ZFYVE9: variants seen among roughly 807,000 people sequenced by gnomAD.
The protein encoded by ZFYVE9 is zinc finger FYVE domain-containing protein 9.
In ZFYVE9, 43 loss-of-function variants were observed where a neutral mutation model predicts 126.7. The ratio of observed to expected loss-of-function variants is 0.34; its 90% CI spans 0.27 to 0.44. The LOEUF is 0.44. ZFYVE9 is among the 20% of genes least tolerant of loss of function. ZFYVE9 has a pLI of 1.00. For missense variants in ZFYVE9, 1,476 were observed against 1,697.0 expected, an observed-to-expected ratio of 0.87 and a Z score of 2.29; for synonymous variants, 521 against 597.4, an observed-to-expected ratio of 0.87 and a Z score of 1.87.
In ZFYVE9 at chr1:52,332,937, T is replaced by G. The variant is rs370549657; in HGVS notation, c.3589+19T>G. ...AGAAAAGGTGAGCATTTGAGCTGGT[T>G]GAGATTATGATAATGGAAAATTATA... On this transcript the variant is annotated intron_variant, in intron 14 of 18. Coordinates refer to ENST00000287727, the MANE Select transcript of ZFYVE9 (RefSeq NM_004799.4). 6.2e-7 allele frequency: 1 copy of G among 1,613,706 alleles called. No individual in the cohort carries two copies. Among genetic ancestry groups the G allele is most frequent in the Admixed American group, 1.7e-5 (1 of 59,970 alleles).
chr1:52,246,315 A>T (rs950379403), intron 4 of ZFYVE9, among the ~76,000 whole-genome samples: 2 of 152,204 alleles, frequency 1.3e-5, no homozygotes, highest in South Asian at 4.1e-4. Flanking sequence ...TTAGATATAA[A>T]TTTTTATTTT....
chr1:52,156,010 C>G (rs929544423), intron 1 of ZFYVE9, among the ~76,000 whole-genome samples: 1 of 152,202 alleles, frequency 6.6e-6, no homozygotes, highest in Non-Finnish European at 1.5e-5. Flanking sequence ...CTAGCCACCT[C>G]TTGCTCATCT....
intron 4 of ZFYVE9, among the ~76,000 whole-genome samples, chr1:52,256,257 C>CG (rs1347819134): frequency 6.6e-6 from 1 of 151,740 alleles, no homozygotes; most frequent in Non-Finnish European, 1.5e-5. Flanking sequence ...TTAGTAGAGA[C>CG]GGGGTTTCAC....
chr1:52,247,810 C>T (rs1645403226), intron 4 of ZFYVE9, among the ~76,000 whole-genome samples: 2 of 152,040 alleles, frequency 1.3e-5, no homozygotes, highest in African/African-American at 4.8e-5. Flanking sequence ...TTTATCATCT[C>T]AAACTTAATA....
chr1:52,242,857 C>T (rs1645348237), intron 4 of ZFYVE9, among the ~76,000 whole-genome samples: 1 of 152,174 alleles, frequency 6.6e-6, no homozygotes, highest in South Asian at 2.1e-4. Context: ...AAAAACAGAA[C>T]CAACATTTAG....
intron 9 of ZFYVE9, among the ~76,000 whole-genome samples, chr1:52,281,276 G>A (rs1261069795): frequency 6.6e-6 from 1 of 151,640 alleles, no homozygotes; most frequent in Non-Finnish European, 1.5e-5. Context: ...GGGACTACAG[G>A]CGCCCGCCAC....
chr1:52,198,474 A>G (rs1380439719), intron 1 of ZFYVE9, among the ~76,000 whole-genome samples: 2 of 152,240 alleles, frequency 1.3e-5, no homozygotes, highest in African/African-American at 4.8e-5. Flanking sequence ...GACTGAGACA[A>G]TTCAGGTTAT....
At chr1:52,326,422 C>G (rs1464677918) in intron 13 of ZFYVE9, among the ~76,000 whole-genome samples, 1 of 152,116 alleles carries the variant, frequency 6.6e-6, no homozygotes, top group Non-Finnish European at 1.5e-5. Flanking sequence ...ATTAATTTAT[C>G]TAACTCTCAT....
chr1:52,331,408 G>A (rs1158372990), intron 13 of ZFYVE9, among the ~76,000 whole-genome samples: 1 of 151,132 alleles, frequency 6.6e-6, no homozygotes, highest in Non-Finnish European at 1.5e-5. Flanking sequence ...GAGCCAAGGA[G>A]CTTGAATCCA....
intron 1 of ZFYVE9, among the ~76,000 whole-genome samples, chr1:52,167,779 A>G (rs1644527071): frequency 6.6e-6 from 1 of 152,172 alleles, no homozygotes; most frequent in Non-Finnish European, 1.5e-5. Flanking sequence ...TGAACTGAAG[A>G]TAACTTCAAG....
rs752712055 is a variant in ZFYVE9, at chr1:52,238,282, C to A, written c.865C>A (p.Pro289Thr). The A allele has an allele frequency of 1.2e-6, 2 of 1,613,814 alleles. No homozygotes were observed. The highest frequency in any genetic ancestry group is 1.7e-6 in the Non-Finnish European group (2 of 1,179,972). ...TGTTAAAAAGCAAGAGAACTATATA[C>A]CAGATGAGGACCTCACTGGCAAAAT... Reference protein sequence around the residue: ...PAVKKQENYIPDEDLTGKISS... With the variant: ...PAVKKQENYITDEDLTGKISS... The change falls in exon 4 of 19, where the codon CCA (proline) becomes ACA (threonine). Residue 289 changes from proline to threonine, a missense_variant. Physicochemically the swap from Pro to Thr is conservative, Grantham distance 38. Coordinates refer to ENST00000287727, the MANE Select transcript of ZFYVE9 (RefSeq NM_004799.4).
intron 4 of ZFYVE9, among the ~76,000 whole-genome samples, chr1:52,240,638 C>T (rs1207192776): frequency 2.0e-5 from 3 of 152,128 alleles, no homozygotes; most frequent in Non-Finnish European, 4.4e-5. Context: ...GAGACAGGAT[C>T]GTGGAAGTTC....
chr1:52,227,291 T>G (rs1645179482), intron 2 of ZFYVE9, among the ~76,000 whole-genome samples: 1 of 152,254 alleles, frequency 6.6e-6, no homozygotes, highest in Non-Finnish European at 1.5e-5. Context: ...CCTTTAGCCT[T>G]TTCACATGGG....
chr1:52,344,847 C>G lies in ZFYVE9; in HGVS notation c.4019C>G (p.Ala1340Gly). Residue 1340 changes from alanine (A) to glycine (G), a missense_variant, in exon 18 of 19, where the codon GCC becomes GGC. By Grantham distance (60) the Ala-to-Gly change is moderately conservative. Transcript: ENST00000287727. ...CACAGTAGATTGACTGAGCATGTTGCCAAAGCTTTTTGCCTTGCTCTCTGT... is the reference window on the plus strand; with the variant it reads ...CACAGTAGATTGACTGAGCATGTTGGCAAAGCTTTTTGCCTTGCTCTCTGT... ...ADHSRLTEHV[A>G]KAFCLALCPH... is the part of the protein sequence containing the mutation. 1 of 1,614,130 alleles carries G rather than the reference C, an allele frequency of 6.2e-7. No individual in the cohort carries two copies. Among genetic ancestry groups the G allele is most frequent in the Non-Finnish European group, 8.5e-7 (1 of 1,180,024 alleles).
At chr1:52,300,865 T>G (rs983803566) in intron 12 of ZFYVE9, among the ~76,000 whole-genome samples, 3 of 148,504 alleles carry the variant, frequency 2.0e-5, no homozygotes, top group African/African-American at 7.4e-5. Flanking sequence ...GTTTTTTGGT[T>G]TTTTTTTTTT....
intron 1 of ZFYVE9, among the ~76,000 whole-genome samples, chr1:52,164,635 T>C (rs898284279): frequency 2.0e-5 from 3 of 151,806 alleles, no homozygotes; most frequent in African/African-American, 7.3e-5. Context: ...TATATCTTTG[T>C]CCGTCCGTCC....
intron 10 of ZFYVE9, among the ~76,000 whole-genome samples, chr1:52,282,913 A>C (rs1284371987): frequency 6.6e-6 from 1 of 152,206 alleles, no homozygotes; most frequent in Non-Finnish European, 1.5e-5. Flanking sequence ...GAAGCAGGAT[A>C]TATAATTGTA....
chr1:52,253,413 T>A (rs1645471570), intron 4 of ZFYVE9, among the ~76,000 whole-genome samples: 1 of 152,236 alleles, frequency 6.6e-6, no homozygotes, highest in Non-Finnish European at 1.5e-5. Flanking sequence ...TTAAAATTTT[T>A]AAAATTTTAT....
At chr1:52,196,342 A>C (rs1644860365) in intron 1 of ZFYVE9, among the ~76,000 whole-genome samples, 1 of 152,158 alleles carries the variant, frequency 6.6e-6, no homozygotes, top group Non-Finnish European at 1.5e-5. Context: ...AGATCAACAC[A>C]TTATAAAAAT....
Sources: gnomAD v4.1 joint callset for allele counts (sites outside exome capture counted in the v4.1 genomes callset) on GRCh38, gnomAD v4.1.1 for gene constraint, MANE v1.5 for transcripts, NCBI Gene and HGNC (gene_info 2026-07-23, HGNC 2026-07-21) for gene names.